Variants in RXFP1 observed in about 807,000 individuals in gnomAD.
RXFP1 encodes relaxin receptor 1.
A neutral mutation model predicts 89.8 loss-of-function variants in RXFP1; 73 were observed. The ratio of observed to expected loss-of-function variants is 0.81; its 90% CI spans 0.67 to 0.99. The LOEUF (loss-of-function observed/expected upper bound fraction) is 0.99. RXFP1 is among the 50% of genes least tolerant of loss of function. The probability of loss-of-function intolerance (pLI) is 0.00; values close to 1 mark genes in which losing one functional copy is unlikely to be tolerated. For missense variants in RXFP1, 793 were observed against 895.5 expected, an observed-to-expected ratio of 0.89 and a Z score of 1.46; for synonymous variants, 277 against 305.5, an observed-to-expected ratio of 0.91 and a Z score of 0.97.
chr4:158,604,842 G>C (rs1762291093), intron 4 of RXFP1, among the ~76,000 whole-genome samples: 1 of 151,906 alleles, frequency 6.6e-6, no homozygotes, highest in South Asian at 2.1e-4. Context: ...TTTTTTGTCA[G>C]AATTACAGTC....
At chr4:158,564,343 A>G (rs546981981) in intron 1 of RXFP1, among the ~76,000 whole-genome samples, 46 of 152,324 alleles carry the variant, frequency 3.0e-4, no homozygotes, top group Admixed American at 1.0e-3. Context: ...AAGCAGATCT[A>G]AACACCTACC....
At chr4:158,547,879 C>T in intron 1 of RXFP1, among the ~76,000 whole-genome samples, 1 of 152,014 alleles carries the variant, frequency 6.6e-6, no homozygotes, top group East Asian at 1.9e-4. Flanking sequence ...ACTATGTGGT[C>T]AATTTTGGAA....
At chr4:158,585,763 A>G (rs2168296) in intron 2 of RXFP1, among the ~76,000 whole-genome samples, 152,094 of 152,324 alleles carry the variant, frequency 1, 75,932 homozygotes, top group East Asian at 1. Flanking sequence ...ACTCTCATAA[A>G]GAGATAAAAT....
At chr4:158,611,496 A>G (rs1763570090) in intron 6 of RXFP1, among the ~76,000 whole-genome samples, 1 of 152,130 alleles carries the variant, frequency 6.6e-6, no homozygotes, top group Non-Finnish European at 1.5e-5. Context: ...TAGCCCCTTC[A>G]TGGTGAGGCC....
At chr4:158,529,134 T>C (rs1743334420) in intron 1 of RXFP1, among the ~76,000 whole-genome samples, 1 of 152,198 alleles carries the variant, frequency 6.6e-6, no homozygotes. Context: ...CTCACTGTTA[T>C]GTTAAACGAC....
At chr4:158,586,507 T>C (rs1156316383) in intron 2 of RXFP1, among the ~76,000 whole-genome samples, 1 of 152,134 alleles carries the variant, frequency 6.6e-6, no homozygotes, top group African/African-American at 2.4e-5. Flanking sequence ...AATCAGAGAA[T>C]AAATTTCATC....
chr4:158,524,932 C>T (rs1176974718), intron 1 of RXFP1, among the ~76,000 whole-genome samples: 1 of 152,056 alleles, frequency 6.6e-6, no homozygotes, highest in Non-Finnish European at 1.5e-5. Flanking sequence ...AGTATTTTGC[C>T]AAGGACCGGC....
At chr4:158,640,174 T>A (rs1770084565) in intron 14 of RXFP1, among the ~76,000 whole-genome samples, 1 of 152,228 alleles carries the variant, frequency 6.6e-6, no homozygotes, top group Admixed American at 6.5e-5. Flanking sequence ...TCTGGTAGAA[T>A]CTCATAGGAG....
intron 1 of RXFP1, among the ~76,000 whole-genome samples, chr4:158,567,289 G>A (rs572501914): frequency 7.2e-5 from 11 of 152,184 alleles, no homozygotes; most frequent in East Asian, 3.9e-4. Flanking sequence ...AAGTGTGGGC[G>A]CACGGCCGGG....
intron 2 of RXFP1, among the ~76,000 whole-genome samples, chr4:158,584,091 G>C (rs747593688): frequency 3.3e-5 from 5 of 152,122 alleles, no homozygotes; most frequent in Non-Finnish European, 7.4e-5. Flanking sequence ...GTTCCACTGT[G>C]TTCGAAGAAT....
At chr4:158,549,469 T>C (rs1004529719) in intron 1 of RXFP1, among the ~76,000 whole-genome samples, 3 of 152,258 alleles carry the variant, frequency 2.0e-5, no homozygotes, top group Non-Finnish European at 4.4e-5. Context: ...TCATTTTCCG[T>C]CCGGCTTTGT....
intron 15 of RXFP1, 128 bp from the exon 16 acceptor site, chr4:158,646,662 TA>T: frequency 6.9e-7 from 1 of 1,450,768 alleles, no homozygotes. Context: ...ATTAGGAGAA[TA>T]AAAATTACCT....
chr4:158,551,706 C>A (rs114082622), intron 1 of RXFP1, among the ~76,000 whole-genome samples: 3 of 152,054 alleles, frequency 2.0e-5, no homozygotes, highest in African/African-American at 7.2e-5. Context: ...TTTGAGCGGC[C>A]GAGGTGAAAG....
intron 9 of RXFP1, 58 bp from the exon 10 acceptor site, chr4:158,626,762 C>T: frequency 3.8e-6 from 4 of 1,044,652 alleles, no homozygotes; most frequent in East Asian, 2.6e-5. Flanking sequence ...TAATTTTAAC[C>T]AATTTATTTC....
intron 1 of RXFP1, among the ~76,000 whole-genome samples, chr4:158,543,212 C>T (rs981369487): frequency 2.6e-5 from 4 of 152,158 alleles, no homozygotes; most frequent in African/African-American, 9.7e-5. Context: ...TTCTTCCTAC[C>T]TTTCCTGTTC....
intron 9 of RXFP1, among the ~76,000 whole-genome samples, chr4:158,620,981 C>T (rs938688544): frequency 1.3e-5 from 2 of 151,736 alleles, no homozygotes; most frequent in African/African-American, 4.8e-5. Flanking sequence ...AAAAAATTAG[C>T]TGAGCGTTTA....
intron 1 of RXFP1, among the ~76,000 whole-genome samples, chr4:158,536,733 A>G (rs1745358524): frequency 1.3e-5 from 2 of 152,156 alleles, no homozygotes; most frequent in Non-Finnish European, 2.9e-5. Context: ...TTTAATACAC[A>G]TATGAAAAGA....
chr4:158,646,374 T>C, intron 15 of RXFP1: 1 of 658,500 alleles, frequency 1.5e-6, no homozygotes, highest in Non-Finnish European at 2.4e-6. Flanking sequence ...ATATGACACC[T>C]TGAGCTTGTT....
chr4:158,626,113 T>TAGATAGATAGATAGATAGAC (rs1766671278), intron 9 of RXFP1, among the ~76,000 whole-genome samples: 9 of 18,782 alleles, frequency 4.8e-4, no homozygotes, highest in African/African-American at 1.1e-3. Context: ...GATATCTATA[T>TAGATAGATAGATAGATAGAC]AGATAGATAG....
Sources: allele counts gnomAD v4.1 joint callset (sites outside exome capture counted in the v4.1 genomes callset), GRCh38; gene constraint gnomAD v4.1.1; transcripts MANE v1.5; gene names NCBI Gene and HGNC (gene_info 2026-07-23, HGNC 2026-07-21).